Variants in PTPRD observed in about 807,000 individuals in gnomAD.
PTPRD encodes protein tyrosine phosphatase receptor type D, also known as receptor-type tyrosine-protein phosphatase delta.
In PTPRD, 34 loss-of-function variants were observed where a neutral mutation model predicts 214.5. The observed-to-expected ratio is 0.16, with a 90% CI of 0.12 to 0.21. The LOEUF (loss-of-function observed/expected upper bound fraction) is 0.21, where lower values mean the gene tolerates loss of function less well. Among genes scored for constraint, PTPRD ranks in the 10% least tolerant of loss-of-function variants. The probability of loss-of-function intolerance (pLI) is 1.00; values close to 1 mark genes in which losing one functional copy is unlikely to be tolerated. For synonymous variants in PTPRD, 1,128 were observed against 845.7 expected (o/e 1.33, Z -5.79); for missense variants, 2,545 against 2,398.7 (o/e 1.06, Z -1.27).
intron 9 of PTPRD, among the ~76,000 whole-genome samples, chr9:9,224,138 G>T (rs1168288548): frequency 6.6e-6 from 1 of 151,954 alleles, no homozygotes; most frequent in Non-Finnish European, 1.5e-5. Flanking sequence ...TACAAATGAG[G>T]AAGTTGAGAG....
At chr9:9,875,751 T>TA (rs1176309138) in intron 5 of PTPRD, among the ~76,000 whole-genome samples, 1 of 152,004 alleles carries the variant, frequency 6.6e-6, no homozygotes, top group Non-Finnish European at 1.5e-5. Context: ...CCTTTATAAA[T>TA]AAAAAACATC....
chr9:10,194,337 T>C (rs1593758438), intron 3 of PTPRD, among the ~76,000 whole-genome samples: 1 of 70,646 alleles, frequency 1.4e-5, no homozygotes, highest in East Asian at 3.8e-4. Flanking sequence ...TATATATATA[T>C]ATATATATAG....
At chr9:10,391,384 C>A (rs1022787444) in intron 2 of PTPRD, among the ~76,000 whole-genome samples, 1 of 151,388 alleles carries the variant, frequency 6.6e-6, no homozygotes, top group African/African-American at 2.4e-5. Flanking sequence ...AATGTTTTTC[C>A]GTTACATTCT....
chr9:8,598,952 G>GA (rs1268959634), intron 14 of PTPRD, among the ~76,000 whole-genome samples: 1 of 152,176 alleles, frequency 6.6e-6, no homozygotes, highest in African/African-American at 2.4e-5. Context: ...AACTTTAACT[G>GA]AAAAATGATA....
chr9:8,745,054 T>C (rs1031958209), intron 11 of PTPRD, among the ~76,000 whole-genome samples: 1 of 152,252 alleles, frequency 6.6e-6, no homozygotes, highest in Non-Finnish European at 1.5e-5. Context: ...CATTCAGTTA[T>C]ATTGCACTCA....
At chr9:10,150,260 C>A (rs143654124) in intron 3 of PTPRD, among the ~76,000 whole-genome samples, 70 of 152,076 alleles carry the variant, frequency 4.6e-4, no homozygotes, top group African/African-American at 1.5e-3. Context: ...TGGAACCAAC[C>A]CAAATGTCCA....
intron 12 of PTPRD, among the ~76,000 whole-genome samples, chr9:8,698,669 T>C (rs1005297538): frequency 3.3e-5 from 5 of 152,204 alleles, no homozygotes; most frequent in Non-Finnish European, 7.3e-5. Context: ...ATTCTACACC[T>C]GCCGCCTCAT....
At chr9:9,872,215 G>A (rs1262479847) in intron 5 of PTPRD, among the ~76,000 whole-genome samples, 1 of 152,006 alleles carries the variant, frequency 6.6e-6, no homozygotes, top group African/African-American at 2.4e-5. Flanking sequence ...AAAAGTGTAG[G>A]CTCTGAAGGC....
At chr9:9,018,966 T>C (rs1771272635) in intron 10 of PTPRD, among the ~76,000 whole-genome samples, 1 of 152,126 alleles carries the variant, frequency 6.6e-6, no homozygotes, top group Admixed American at 6.6e-5. Flanking sequence ...ATGATTGTTC[T>C]GGAAAAAGAA....
chr9:10,596,063 G>A (rs771604334), intron 2 of PTPRD, among the ~76,000 whole-genome samples: 2 of 151,690 alleles, frequency 1.3e-5, no homozygotes. Flanking sequence ...AGATACATGC[G>A]TTTATACCTA....
chr9:9,012,816 C>T (rs1000059816), intron 11 of PTPRD, among the ~76,000 whole-genome samples: 1 of 152,110 alleles, frequency 6.6e-6, no homozygotes, highest in Admixed American at 6.6e-5. Flanking sequence ...TAACATCAGG[C>T]AGAGATAAAA....
chr9:9,614,579 G>A (rs1208127803), intron 7 of PTPRD, among the ~76,000 whole-genome samples: 4 of 152,086 alleles, frequency 2.6e-5, no homozygotes, highest in Non-Finnish European at 2.9e-5. Flanking sequence ...TTATGTTTAG[G>A]CAGCTTTCAA....
intron 6 of PTPRD, among the ~76,000 whole-genome samples, chr9:9,761,781 C>T (rs945489450): frequency 2.0e-5 from 3 of 152,064 alleles, no homozygotes; most frequent in African/African-American, 7.2e-5. Flanking sequence ...TCTCCCCTTC[C>T]CCCCACTCTG....
At chr9:10,380,224 C>T (rs1240575311) in intron 2 of PTPRD, among the ~76,000 whole-genome samples, 1 of 152,016 alleles carries the variant, frequency 6.6e-6, no homozygotes, top group Admixed American at 6.6e-5. Flanking sequence ...TTCTTGAAAG[C>T]ATAATATCAA....
At chr9:10,549,682 C>CT (rs2060896145) in intron 2 of PTPRD, among the ~76,000 whole-genome samples, 2 of 152,108 alleles carry the variant, frequency 1.3e-5, no homozygotes, top group Non-Finnish European at 2.9e-5. Context: ...AGATTCTAGT[C>CT]TGAGAGTATA....
intron 5 of PTPRD, among the ~76,000 whole-genome samples, chr9:9,826,704 T>C (rs528701013): frequency 6.6e-6 from 1 of 152,032 alleles, no homozygotes; most frequent in East Asian, 1.9e-4. Context: ...TTTAAAAAGA[T>C]CTTTTGCAAA....
At chr9:9,376,475 G>A (rs1257757716) in intron 9 of PTPRD, among the ~76,000 whole-genome samples, 1 of 152,006 alleles carries the variant, frequency 6.6e-6, no homozygotes, top group East Asian at 1.9e-4. Flanking sequence ...TAGTGTTTAG[G>A]ACTAGGAATT....
chr9:8,317,257 AAG>A lies in PTPRD; in HGVS notation c.*615_*616del. On this transcript the variant is annotated 3_prime_UTR_variant, in exon 46 of 46. Coordinates refer to ENST00000381196, the MANE Select transcript of PTPRD (RefSeq NM_002839.4). ...CCTACGATTTGGAAATAAAAAAATG[AAG>A]AGTTATGTAACTTTTTTAAAATTCA... 2.6e-5 allele frequency: 6 copies of A among 232,308 alleles called. No homozygotes were observed. Among genetic ancestry groups the A allele is most frequent in the Non-Finnish European group, 5.1e-5 (6 of 117,164 alleles). 14.4% of individuals were successfully genotyped at this position (232,308 alleles called of 1,614,324 possible). A position where few individuals can be genotyped will look rare whatever the true frequency, so the allele number is the denominator to read the frequency against.
At chr9:8,909,025 G>T (rs1457005857) in intron 11 of PTPRD, among the ~76,000 whole-genome samples, 2 of 151,064 alleles carry the variant, frequency 1.3e-5, no homozygotes, top group Non-Finnish European at 3.0e-5. Flanking sequence ...AACAAATTAT[G>T]CAACTTAGAT....
Sources: gnomAD v4.1 joint callset for allele counts (sites outside exome capture counted in the v4.1 genomes callset) on GRCh38, gnomAD v4.1.1 for gene constraint, MANE v1.5 for transcripts, NCBI Gene and HGNC (gene_info 2026-07-23, HGNC 2026-07-21) for gene names.